The following SEMA3E variants were observed in gnomAD, a reference collection of about 807,000 sequenced individuals.
SEMA3E encodes the protein semaphorin 3E, also known as semaphorin-3E.
A neutral mutation model predicts 93.6 loss-of-function variants in SEMA3E; 49 were observed. That is an observed-to-expected ratio of 0.52 (90% confidence interval 0.42 to 0.66). SEMA3E has a LOEUF of 0.66. Among genes scored for constraint, SEMA3E ranks in the 30% least tolerant of loss-of-function variants. The pLI is 0.00. For missense variants in SEMA3E, 906 were observed against 964.8 expected (o/e 0.94, Z 0.81); for synonymous variants, 363 against 330.7 (o/e 1.10, Z -1.06).
chr7:83,443,311 G>C lies in SEMA3E; in HGVS notation c.456+23171C>G, dbSNP rs79808947. ...AAATCTGAACACTTGGAACATGAAA[G>C]AGCCCATTAGGTATCCACTTCTGAC... On this transcript the variant is annotated intron_variant, in intron 4 of 16. Coordinates refer to ENST00000643230, the MANE Select transcript of SEMA3E (RefSeq NM_012431.3). Among the ~76,000 whole-genome samples the C allele has an allele frequency of 6.7e-3, 1,015 of 152,270 alleles. 9 individuals carry two copies. The highest frequency in any genetic ancestry group is 0.024 in the African/African-American group (984 of 41,564).
chr7:83,638,545 C>T (rs1315787907), intron 1 of SEMA3E, among the ~76,000 whole-genome samples: 1 of 152,052 alleles, frequency 6.6e-6, no homozygotes, highest in Non-Finnish European at 1.5e-5. Context: ...GCTAAATTGT[C>T]ATCAATGAAT....
intron 1 of SEMA3E, among the ~76,000 whole-genome samples, chr7:83,646,656 C>A (rs561878585): frequency 6.6e-6 from 1 of 152,056 alleles, no homozygotes; most frequent in Admixed American, 6.6e-5. Context: ...CATATGACAC[C>A]ACTCATAACA....
intron 1 of SEMA3E, among the ~76,000 whole-genome samples, chr7:83,617,162 GT>G (rs1407529480): frequency 9.2e-5 from 14 of 151,812 alleles, no homozygotes; most frequent in African/African-American, 3.1e-4. Context: ...AAAATGTTTT[GT>G]AGCCCACAAA....
chr7:83,505,748 G>T (rs1790688316), intron 1 of SEMA3E, among the ~76,000 whole-genome samples: 1 of 152,002 alleles, frequency 6.6e-6, no homozygotes, highest in South Asian at 2.1e-4. Flanking sequence ...GGGCACAGTG[G>T]CTCATGCCTG....
intron 1 of SEMA3E, among the ~76,000 whole-genome samples, chr7:83,635,770 C>A (rs1473242826): frequency 1.3e-5 from 2 of 151,662 alleles, no homozygotes; most frequent in Non-Finnish European, 2.9e-5. Flanking sequence ...TAAAACATAG[C>A]CATTGCTTTT....
At chr7:83,497,122 T>C (rs1010652761) in intron 1 of SEMA3E, among the ~76,000 whole-genome samples, 2 of 152,170 alleles carry the variant, frequency 1.3e-5, no homozygotes, top group Non-Finnish European at 1.5e-5. Flanking sequence ...AGATATACTC[T>C]GAGGATTTAG....
chr7:83,393,203 T>G (rs1788052365), intron 13 of SEMA3E, among the ~76,000 whole-genome samples: 1 of 152,110 alleles, frequency 6.6e-6, no homozygotes, highest in South Asian at 2.1e-4. Flanking sequence ...TATCTTGCAT[T>G]ACCCAACACT....
At chr7:83,493,412 G>A (rs1249888321) in intron 1 of SEMA3E, among the ~76,000 whole-genome samples, 10 of 151,756 alleles carry the variant, frequency 6.6e-5, no homozygotes, top group Non-Finnish European at 1.5e-4. Context: ...CATTCATATT[G>A]CCTCAGAGAA....
At chr7:83,495,156 CATGTTTAGATGTTCATG>C (rs1790464642) in intron 1 of SEMA3E, among the ~76,000 whole-genome samples, 2 of 151,856 alleles carry the variant, frequency 1.3e-5, no homozygotes, top group Admixed American at 6.6e-5. Context: ...ATTATATAAT[CATGTTTAGATGTTCATG>C]ATGTTTAGAT....
chr7:83,504,142 A>C (rs1449698959), intron 1 of SEMA3E, among the ~76,000 whole-genome samples: 1 of 152,216 alleles, frequency 6.6e-6, no homozygotes, highest in Non-Finnish European at 1.5e-5. Flanking sequence ...TCAGACTGAC[A>C]TATTACCAAA....
intron 14 of SEMA3E, among the ~76,000 whole-genome samples, chr7:83,387,933 T>C (rs1374605443): frequency 1.4e-5 from 2 of 144,340 alleles, no homozygotes; most frequent in African/African-American, 5.2e-5. Flanking sequence ...GTAATATACA[T>C]ATGTTTCGAA....
chr7:83,634,660 T>C (rs1207175055), intron 1 of SEMA3E, among the ~76,000 whole-genome samples: 1 of 152,042 alleles, frequency 6.6e-6, no homozygotes. Flanking sequence ...AATTTTGCTT[T>C]GGGGAATTAC....
chr7:83,384,079 A>G (rs1787833613), intron 16 of SEMA3E, among the ~76,000 whole-genome samples: 1 of 152,018 alleles, frequency 6.6e-6, no homozygotes, highest in African/African-American at 2.4e-5. Flanking sequence ...ATTATTTCTA[A>G]TAGCCTTTGT....
At chr7:83,648,145 C>T (rs747163034) in intron 1 of SEMA3E, among the ~76,000 whole-genome samples, 36 of 152,104 alleles carry the variant, frequency 2.4e-4, no homozygotes, top group Non-Finnish European at 4.1e-4. Context: ...CTGTGTTCCG[C>T]GGGCTAGTGA....
Position 83,396,661 on chromosome 7 carries a change from G to A in SEMA3E, c.1435C>T (p.Leu479=), listed in dbSNP as rs757610572. The change falls in exon 12 of 17, where the codon CTA becomes TTA. Residue 479 remains leucine, a synonymous_variant. Transcript: ENST00000643230. ...QEMESMEEVI[L]EELQIFKDPV... ...ACCTTGAATATCTGAAGTTCTTCTA[G>A]AATTACTTCTTCCATTGATTCCATT... 3.2e-5 allele frequency: 51 copies of A among 1,606,330 alleles called. No homozygotes were observed. The Admixed American group carries it at 8.5e-4, about 27-fold the overall frequency.
At chr7:83,384,261 A>G (rs181892141) in intron 16 of SEMA3E, among the ~76,000 whole-genome samples, 1 of 152,198 alleles carries the variant, frequency 6.6e-6, no homozygotes, top group East Asian at 1.9e-4. Flanking sequence ...CGCATTTGGA[A>G]TCAGTAATTT....
chr7:83,557,329 T>G (rs2115823544), intron 1 of SEMA3E, among the ~76,000 whole-genome samples: 1 of 151,492 alleles, frequency 6.6e-6, no homozygotes, highest in African/African-American at 2.4e-5. Context: ...AAATAAAAAT[T>G]ATTACTATTA....
chr7:83,451,597 G>C (rs1334143171), intron 4 of SEMA3E, among the ~76,000 whole-genome samples: 1 of 152,138 alleles, frequency 6.6e-6, no homozygotes, highest in Admixed American at 6.5e-5. Flanking sequence ...TTGCCAGGTG[G>C]AGATGGCAAA....
chr7:83,450,405 A>C (rs769232630), intron 4 of SEMA3E, among the ~76,000 whole-genome samples: 37 of 84,426 alleles, frequency 4.4e-4, no homozygotes, highest in Non-Finnish European at 1.0e-3. Flanking sequence ...TGTTATATCC[A>C]TGTAAATAAA....
Sources: allele counts gnomAD v4.1 joint callset (sites outside exome capture counted in the v4.1 genomes callset), GRCh38; gene constraint gnomAD v4.1.1; transcripts MANE v1.5; gene names NCBI Gene and HGNC (gene_info 2026-07-23, HGNC 2026-07-21).